PIN1: variants seen among roughly 807,000 people sequenced by gnomAD.
PIN1 encodes peptidyl-prolyl cis-trans isomerase NIMA-interacting 1.
Under a neutral mutation model 19.9 loss-of-function variants are expected in PIN1, and 8 were observed. That is an observed-to-expected ratio of 0.40 (90% CI 0.24 to 0.72). PIN1 has a LOEUF of 0.72. Ranked by LOEUF, PIN1 falls within the 30% of genes least tolerant of loss-of-function variation. The pLI, the probability that PIN1 is intolerant of heterozygous loss-of-function variation, is 0.37. For missense variants in PIN1, 185 were observed against 226.5 expected (o/e 0.82, Z 1.18); for synonymous variants, 86 against 90.8 (o/e 0.95, Z 0.30).
rs2046254814 is a variant in PIN1 at position 9,849,523 on chromosome 19, GT to G, written c.*325del. On this transcript the variant is annotated 3_prime_UTR_variant, in exon 4 of 4. Transcript: ENST00000247970. The stretch of plus-strand genomic sequence containing the variant: ...GGCCTGGTCAGCAGAGCCGCCCCGT[GT>G]CCCCCCAGGTGCTGGAGGCAGACTC... 1.6e-6 allele frequency: 1 copy of G among 639,580 alleles called. No individual in the cohort carries two copies. Among genetic ancestry groups the G allele is most frequent in the Non-Finnish European group, 3.0e-6 (1 of 337,522 alleles). 39.6% of individuals were successfully genotyped at this position (639,580 alleles called of 1,614,324 possible).
In PIN1 at chr19:9,838,465, A is replaced by G. The variant is rs2046132182; in HGVS notation, c.88A>G (p.Asn30Asp). Residue 30 changes from asparagine to aspartate, a missense_variant, in exon 2 of 4, where the codon AAC becomes GAC. Physicochemically the swap from Asn to Asp is conservative, Grantham distance 23. Coordinates refer to ENST00000247970, the MANE Select transcript of PIN1 (RefSeq NM_006221.4). This position sits in a 1 kb window ranked among gnomAD's most constrained non-coding sequence, Gnocchi z 5.8. ...GRVYYFNHIT[N>D]ASQWERPSGN... ...AGTGTACTACTTCAACCACATCACT[A>G]ACGCCAGCCAGTGGGAGCGGCCCAG... is the stretch of plus-strand genomic sequence containing the variant. The G allele has an allele frequency of 6.2e-7, 1 of 1,607,866 alleles. No individual in the cohort carries two copies. The highest frequency in any genetic ancestry group is 1.3e-5 in the African/African-American group (1 of 74,864).
chr19:9,843,594 G>A (rs2046190234), intron 2 of PIN1, among the ~76,000 whole-genome samples: 1 of 152,214 alleles, frequency 6.6e-6, no homozygotes, highest in South Asian at 2.1e-4. Flanking sequence ...AGTTCTGGAG[G>A]CCAGAAGTCC....
rs551131649 is a variant in PIN1, at chr19:9,838,539, G to A, written c.162G>A (p.Arg54=). ...GGKNGQGEPA[R]VRCSHLLVKH... ...AAAACGGGCAGGGGGAGCCTGCCAG[G>A]GTCCGCTGCTCGCACCTGCTGGTGA... Residue 54 remains arginine (R), a synonymous_variant, in exon 2 of 4, where the codon AGG becomes AGA. Coordinates refer to ENST00000247970, the MANE Select transcript of PIN1 (RefSeq NM_006221.4). This position sits in a 1 kb window ranked among gnomAD's most constrained non-coding sequence, Gnocchi z 5.8. 31 of 1,592,638 alleles carry A rather than the reference G, an allele frequency of 1.9e-5. No homozygotes were observed. The South Asian group carries it at 3.4e-4, about 18-fold the overall frequency.
intron 2 of PIN1, among the ~76,000 whole-genome samples, chr19:9,844,417 A>G (rs570667584): frequency 6.6e-6 from 1 of 152,282 alleles, no homozygotes; most frequent in Admixed American, 6.5e-5. Context: ...GACCTGATGG[A>G]GTCTGGAGTC....
intron 2 of PIN1, among the ~76,000 whole-genome samples, chr19:9,844,740 TG>T (rs2046202648): frequency 6.6e-6 from 1 of 152,230 alleles, no homozygotes; most frequent in Non-Finnish European, 1.5e-5. Context: ...CCAGGAAGTC[TG>T]GCCTTAGGGT....
At chr19:9,837,129 T>G (rs945150827) in intron 1 of PIN1, 4 of 253,888 alleles carry the variant, frequency 1.6e-5, no homozygotes, top group Non-Finnish European at 3.2e-5. Flanking sequence ...CACCCATGGC[T>G]AATTTTTTAT....
At chr19:9,839,690 C>A (rs1161240187) in intron 2 of PIN1, among the ~76,000 whole-genome samples, 1 of 152,212 alleles carries the variant, frequency 6.6e-6, no homozygotes, top group Non-Finnish European at 1.5e-5. Flanking sequence ...TTTACAAAAT[C>A]TGGGAGGATT....
rs757626665 is a variant in PIN1 at position 9,849,223 on chromosome 19, T to TCGGGG, written c.*26_*30dup. On this transcript the variant is annotated 3_prime_UTR_variant, in exon 4 of 4. Transcript: ENST00000247970. The stretch of plus-strand genomic sequence containing the variant: ...GAGGGTGGGGAGCCCAGGCCTGGCC[T>TCGGGG]CGGGGCAGGGCAGGGCGGCTAGGCC... 2.0e-5 allele frequency: 31 copies of TCGGGG among 1,536,362 alleles called. No individual in the cohort carries two copies. The highest frequency in any genetic ancestry group is 2.3e-5 in the Non-Finnish European group (26 of 1,117,138).
chr19:9,841,074 C>T (rs906863702), intron 2 of PIN1, among the ~76,000 whole-genome samples: 4 of 152,130 alleles, frequency 2.6e-5, no homozygotes, highest in Non-Finnish European at 5.9e-5. Flanking sequence ...TAGCACAGGG[C>T]CCAGCACAGA....
chr19:9,838,678 G>A lies in PIN1; in HGVS notation c.271+30G>A, dbSNP rs1443565101. On this transcript the variant is annotated intron_variant, in intron 2 of 3. Coordinates refer to ENST00000247970, the MANE Select transcript of PIN1 (RefSeq NM_006221.4). The surrounding 1 kb of genome is among the most constrained non-coding windows in gnomAD (Gnocchi z 5.8). Reference sequence around the variant, plus strand: ...GCAGGGCGAGGGCAGGGGCTTGGGAGGGGGTCTTCTCCCAGGTGAGCCTTT... The same window carrying A: ...GCAGGGCGAGGGCAGGGGCTTGGGAAGGGGTCTTCTCCCAGGTGAGCCTTT... 6.7e-7 allele frequency: 1 copy of A among 1,495,906 alleles called. No homozygotes were observed. Among genetic ancestry groups the A allele is most frequent in the South Asian group, 1.2e-5 (1 of 83,076 alleles). 92.7% of individuals were successfully genotyped at this position (1,495,906 alleles called of 1,614,324 possible). A position where few individuals can be genotyped will look rare whatever the true frequency, so the allele number is the denominator to read the frequency against.
chr19:9,836,740 C>A, intron 1 of PIN1: 1 of 879,918 alleles, frequency 1.1e-6, no homozygotes, highest in Non-Finnish European at 1.6e-6. Context: ...ACACCATGCA[C>A]GGTGTAGTAG....
intron 2 of PIN1, among the ~76,000 whole-genome samples, chr19:9,844,491 C>G (rs1375502249): frequency 3.9e-5 from 6 of 152,138 alleles, no homozygotes; most frequent in Non-Finnish European, 8.8e-5. Flanking sequence ...CTGGGGTCTG[C>G]CAGCACAGAT....
intron 2 of PIN1, among the ~76,000 whole-genome samples, chr19:9,841,339 T>C (rs1054191878): frequency 2.0e-5 from 3 of 152,208 alleles, no homozygotes; most frequent in Non-Finnish European, 2.9e-5. Context: ...ATTCCCATCC[T>C]GCCACACAAA....
At chr19:9,843,942 C>G (rs575925838) in intron 2 of PIN1, among the ~76,000 whole-genome samples, 1 of 152,008 alleles carries the variant, frequency 6.6e-6, no homozygotes. Flanking sequence ...CCCAGCTACT[C>G]AGGAGGCTGA....
intron 1 of PIN1, chr19:9,835,842 C>T (rs2046097811): frequency 5.6e-6 from 1 of 179,250 alleles, no homozygotes; most frequent in African/African-American, 2.4e-5. Flanking sequence ...CTGTGTACAC[C>T]TAATGCTGAG....
rs565082655 is a variant in PIN1, at chr19:9,841,513, G to A, written c.271+2865G>A. On this transcript the variant is annotated intron_variant, in intron 2 of 3. Transcript: ENST00000247970. The stretch of plus-strand genomic sequence containing the variant: ...GCTAGGGGGTGATGAGACCCTTCAC[G>A]GGCAGGTCCCAGCCAGGTTGAGGAG... 4.6e-5 allele frequency among the ~76,000 whole-genome samples: 7 copies of A among 152,306 alleles called. No homozygotes were observed. In the South Asian group the frequency reaches 1.0e-3, roughly 23 times the overall value.
intron 2 of PIN1, among the ~76,000 whole-genome samples, chr19:9,845,535 C>G (rs1325806850): frequency 2.0e-5 from 3 of 151,996 alleles, no homozygotes; most frequent in African/African-American, 7.2e-5. Flanking sequence ...CAGCTACTTG[C>G]GAGGCTGAGG....
intron 2 of PIN1, among the ~76,000 whole-genome samples, chr19:9,842,260 G>A (rs1599451523): frequency 6.6e-6 from 1 of 152,158 alleles, no homozygotes; most frequent in Admixed American, 6.5e-5. Flanking sequence ...GATTAGGTGG[G>A]CAAGGGTGGG....
chr19:9,835,461 G>A, intron 1 of PIN1, 59 bp downstream of exon 1: 1 of 1,225,372 alleles, frequency 8.2e-7, no homozygotes, highest in Non-Finnish European at 1.1e-6. Context: ...CAGGGCTCGA[G>A]CTCGCCCCTT....
Sources: gnomAD v4.1 joint callset for allele counts (sites outside exome capture counted in the v4.1 genomes callset) on GRCh38, gnomAD v4.1.1 for gene constraint, Gnocchi (gnomAD v3.1) non-coding constraint, MANE v1.5 for transcripts, NCBI Gene and HGNC (gene_info 2026-07-23, HGNC 2026-07-21) for gene names.